DIPK2B: variants seen among roughly 807,000 people sequenced by gnomAD.
DIPK2B encodes the protein UPF0672 protein CXorf36.
Under a neutral mutation model 22.2 loss-of-function variants are expected in DIPK2B, and 15 were observed. The ratio of observed to expected loss-of-function variants is 0.68; its 90% confidence interval spans 0.45 to 1.04. The LOEUF is 1.04. Among genes scored for constraint, DIPK2B ranks in the 50% least tolerant of loss-of-function variants. DIPK2B has a pLI of 0.00. For missense variants in DIPK2B, 345 were observed against 348.3 expected (o/e 0.99, Z 0.08); for synonymous variants, 163 against 153.2 (o/e 1.06, Z -0.47).
At chrX:45,156,171 C>A (rs1416472130) in intron 3 of DIPK2B, among the ~76,000 whole-genome samples, 1 of 108,890 alleles carries the variant, frequency 9.2e-6, no homozygotes, top group African/African-American at 3.4e-5. Flanking sequence ...TGGGCTTCAT[C>A]ATGTTGGCCA....
chrX:45,174,329 G>A (rs12014332), intron 2 of DIPK2B, among the ~76,000 whole-genome samples: 3,064 of 111,730 alleles, frequency 0.027, 123 homozygotes, highest in African/African-American at 0.09. Context: ...TAAGGTGTTG[G>A]ACCTTATATA....
chrX:45,156,936 G>A (rs1021885998), intron 3 of DIPK2B, among the ~76,000 whole-genome samples: 8 of 100,801 alleles, frequency 7.9e-5, no homozygotes, highest in Non-Finnish European at 1.4e-4. Flanking sequence ...CTCCTCTCCC[G>A]CCTTCCTTCC....
intron 2 of DIPK2B, among the ~76,000 whole-genome samples, chrX:45,167,531 T>A (rs1439903909): frequency 5.0e-5 from 5 of 99,332 alleles, no homozygotes; most frequent in African/African-American, 1.8e-4. Flanking sequence ...AGGAGAAACA[T>A]CTCACAATTG....
chrX:45,171,485 G>T (rs12688898), intron 2 of DIPK2B, among the ~76,000 whole-genome samples: 33,351 of 110,292 alleles, frequency 0.3, 4,519 homozygotes, highest in African/African-American at 0.52. Context: ...CTGCTCAAGT[G>T]TGAGAACCAC....
intron 2 of DIPK2B, chrX:45,162,778 C>T (rs1444254859): frequency 1.3e-6 from 1 of 752,511 alleles, no homozygotes; most frequent in Non-Finnish European, 1.6e-6. Context: ...CTGGTTTCCT[C>T]ATCCTTGCAT....
intron 1 of DIPK2B, among the ~76,000 whole-genome samples, chrX:45,200,209 T>A (rs928387445): frequency 7.2e-5 from 8 of 111,562 alleles, no homozygotes; most frequent in Non-Finnish European, 1.5e-4. Context: ...GCTTACCACC[T>A]CAATAATGGG....
At position 45,148,565 on chromosome X, in the gene DIPK2B, C is replaced by G. The variant is rs1253786625; in HGVS notation, c.*3087G>C. On this transcript the variant is annotated 3_prime_UTR_variant, in exon 5 of 5. Coordinates refer to ENST00000398000, the MANE Select transcript of DIPK2B (RefSeq NM_176819.4). Reference sequence around the variant, plus strand: ...AGTTGGGGGAGGGACGTGCCACACTCTTTTAAACAACCACATCTTGAGTGA... The same window carrying G: ...AGTTGGGGGAGGGACGTGCCACACTGTTTTAAACAACCACATCTTGAGTGA... The G allele has an allele frequency of 1.8e-5, 2 of 109,056 alleles. No homozygotes were observed. The highest frequency in any genetic ancestry group is 6.7e-5 in the African/African-American group (2 of 29,791). 9.0% of individuals were successfully genotyped at this position (109,056 alleles called of 1,213,427 possible).
chrX:45,164,328 G>T, intron 2 of DIPK2B: 2 of 1,028,784 alleles, frequency 1.9e-6, no homozygotes, highest in Admixed American at 5.1e-5. Context: ...CGCAGCTCTG[G>T]CTGTTAAATG....
At chrX:45,168,138 G>T (rs1433397322) in intron 2 of DIPK2B, among the ~76,000 whole-genome samples, 1 of 112,524 alleles carries the variant, frequency 8.9e-6, no homozygotes, top group East Asian at 2.8e-4. Context: ...CTCCCAAATC[G>T]TTTCAATGTT....
intron 4 of DIPK2B, 94 bp from the exon 5 acceptor site, chrX:45,152,086 G>T: frequency 4.7e-6 from 4 of 852,441 alleles, no homozygotes; most frequent in African/African-American, 4.0e-5. Context: ...GGCCGGGCGC[G>T]GTGGCTCATG....
At chrX:45,179,889 GA>G (rs1484821342) in intron 2 of DIPK2B, among the ~76,000 whole-genome samples, 3 of 111,480 alleles carry the variant, frequency 2.7e-5, no homozygotes, top group East Asian at 2.8e-4. Flanking sequence ...TAAAATTTAC[GA>G]AAAAAATTCT....
intron 4 of DIPK2B, among the ~76,000 whole-genome samples, chrX:45,153,474 TTGTGTGTGTGTGTGTGTG>T (rs34281975): frequency 2.0e-4 from 15 of 73,862 alleles, no homozygotes; most frequent in East Asian, 4.7e-4. Context: ...CCCAAAAGTT[TTGTGTGTGTGTGTGTGTG>T]TGTGTGTGTG....
Position 45,187,049 on chromosome X carries a change from CGTT to C in DIPK2B, c.498+4699_498+4701del, listed in dbSNP as rs774101759. 1.7e-3 allele frequency among the ~76,000 whole-genome samples: 188 copies of C among 111,959 alleles called. 1 individual carries two copies. The highest frequency in any genetic ancestry group is 5.9e-3 in the African/African-American group (183 of 30,822). ...AGGAAGTAAAATAGCCAATCATCCT[CGTT>C]TAAACAAAGCTGACTGAACACTCTG... is the stretch of plus-strand genomic sequence containing the variant. On this transcript the variant is annotated intron_variant, in intron 2 of 4. Coordinates refer to ENST00000398000, the MANE Select transcript of DIPK2B (RefSeq NM_176819.4).
chrX:45,169,971 C>T (rs944662704), intron 2 of DIPK2B, among the ~76,000 whole-genome samples: 4 of 110,404 alleles, frequency 3.6e-5, no homozygotes, highest in African/African-American at 1.3e-4. Context: ...GAGGCCGGCG[C>T]GGTGGCTCAC....
intron 2 of DIPK2B, among the ~76,000 whole-genome samples, chrX:45,159,416 T>C (rs1342879447): frequency 1.8e-5 from 2 of 111,777 alleles, no homozygotes; most frequent in East Asian, 5.6e-4. Flanking sequence ...CCAAGTCACA[T>C]ATACCTAGCA....
chrX:45,169,535 C>T (rs2047067778), intron 2 of DIPK2B, among the ~76,000 whole-genome samples: 1 of 111,618 alleles, frequency 9.0e-6, no homozygotes, highest in Non-Finnish European at 1.9e-5. Flanking sequence ...CAGGCTGGTT[C>T]CTTCCCTTCC....
At chrX:45,161,232 C>A (rs2047021212) in intron 2 of DIPK2B, among the ~76,000 whole-genome samples, 1 of 112,210 alleles carries the variant, frequency 8.9e-6, no homozygotes, top group South Asian at 3.7e-4. Flanking sequence ...GTATCAGTTT[C>A]TTTTATGTTT....
At chrX:45,164,742 AC>A (rs1278368458) in intron 2 of DIPK2B, among the ~76,000 whole-genome samples, 2 of 111,519 alleles carry the variant, frequency 1.8e-5, no homozygotes, top group Non-Finnish European at 3.8e-5. Context: ...CTGCACATGT[AC>A]CCCAGAACTT....
intron 3 of DIPK2B, among the ~76,000 whole-genome samples, chrX:45,156,664 A>G (rs1382497534): frequency 1.8e-5 from 2 of 110,671 alleles, no homozygotes; most frequent in African/African-American, 6.6e-5. Flanking sequence ...ACATCTCAGA[A>G]CTCCACTGAA....
Sources: allele counts gnomAD v4.1 joint callset (sites outside exome capture counted in the v4.1 genomes callset), GRCh38; gene constraint gnomAD v4.1.1; transcripts MANE v1.5; gene names NCBI Gene and HGNC (gene_info 2026-07-23, HGNC 2026-07-21).